Variants in PSMG2 observed in about 807,000 individuals in gnomAD.
PSMG2 encodes proteasome assembly chaperone 2.
PSMG2 carries 21 observed loss-of-function variants against 31.5 expected under a neutral mutation model. That is an observed-to-expected ratio of 0.67 (90% CI 0.47 to 0.96). The LOEUF (loss-of-function observed/expected upper bound fraction) is 0.96. Ranked by LOEUF, PSMG2 falls within the 40% of genes least tolerant of loss-of-function variation. The pLI is 0.00. For missense variants in PSMG2, 318 were observed against 321.2 expected, an observed-to-expected ratio of 0.99 and a Z score of 0.08; for synonymous variants, 120 against 110.4, an observed-to-expected ratio of 1.09 and a Z score of -0.54.
At chr18:12,698,311 C>T (rs546251122), upstream of PSMG2, among the ~76,000 whole-genome samples, 2 of 152,000 alleles carry the variant, frequency 1.3e-5, no homozygotes, top group East Asian at 3.9e-4. Context: ...TCATTACACG[C>T]GCCTGCCACC....
intron 2 of PSMG2, among the ~76,000 whole-genome samples, chr18:12,711,079 G>A (rs2040325691): frequency 6.6e-6 from 1 of 152,102 alleles, no homozygotes; most frequent in Non-Finnish European, 1.5e-5. Flanking sequence ...CAGTCTGGGT[G>A]ATAGAGCAAG....
chr18:12,665,975 G>A (rs567409752), intron 1 of PSMG2, among the ~76,000 whole-genome samples: 1 of 152,100 alleles, frequency 6.6e-6, no homozygotes, highest in East Asian at 1.9e-4. Flanking sequence ...GATAACAGTC[G>A]TGAGCCACCG....
In PSMG2 at chr18:12,724,482, A is replaced by G; in HGVS notation, c.582-17A>G. ...ACCCTATGAAAGAATACTGATTCTT[A>G]TTTTTATTTCTTGTAGCTGTTCTAA... On this transcript the variant is annotated splice_polypyrimidine_tract_variant and intron_variant, in intron 5 of 6. Transcript: ENST00000317615. 1 of 1,583,186 alleles carries G rather than the reference A, an allele frequency of 6.3e-7. No individual in the cohort carries two copies. Among genetic ancestry groups the G allele is most frequent in the Non-Finnish European group, 8.6e-7 (1 of 1,167,842 alleles).
chr18:12,708,325 C>T (rs369342824), intron 2 of PSMG2, among the ~76,000 whole-genome samples: 46 of 151,896 alleles, frequency 3.0e-4, no homozygotes, highest in African/African-American at 1.0e-3. Flanking sequence ...GTGATAACAG[C>T]TATCTTTTAT....
intron 5 of PSMG2, among the ~76,000 whole-genome samples, chr18:12,722,358 C>T (rs1024696626): frequency 6.6e-6 from 1 of 152,078 alleles, no homozygotes; most frequent in African/African-American, 2.4e-5. Context: ...TTCTGGACTG[C>T]AGCACAGGGA....
At chr18:12,722,152 C>A (rs552562779) in intron 5 of PSMG2, among the ~76,000 whole-genome samples, 1 of 152,326 alleles carries the variant, frequency 6.6e-6, no homozygotes, top group African/African-American at 2.4e-5. Context: ...ACCAATCAAT[C>A]CTCCTAAACT....
chr18:12,683,519 G>A (rs989031334), intron 1 of PSMG2, among the ~76,000 whole-genome samples: 4 of 151,914 alleles, frequency 2.6e-5, no homozygotes, highest in Non-Finnish European at 5.9e-5. Flanking sequence ...AGGAGGCAGA[G>A]GCGGGCAGAT....
At chr18:12,672,137 T>C (rs1454057100) in intron 1 of PSMG2, among the ~76,000 whole-genome samples, 1 of 145,274 alleles carries the variant, frequency 6.9e-6, no homozygotes, top group Non-Finnish European at 1.5e-5. Flanking sequence ...TTTTCTGAGA[T>C]GCAGTCTCGC....
chr18:12,716,603 C>T (rs1032341546), intron 3 of PSMG2, among the ~76,000 whole-genome samples: 2 of 151,930 alleles, frequency 1.3e-5, no homozygotes, highest in Admixed American at 6.6e-5. Flanking sequence ...ACCGTGTTAG[C>T]CAGGATGGTC....
intron 1 of PSMG2, among the ~76,000 whole-genome samples, chr18:12,681,022 A>G (rs899614077): frequency 1.3e-5 from 2 of 152,040 alleles, no homozygotes; most frequent in Non-Finnish European, 2.9e-5. Flanking sequence ...AACATAAGGA[A>G]ACTCTGTCTC....
chr18:12,701,810 G>C (rs2040161973), upstream of PSMG2, among the ~76,000 whole-genome samples: 1 of 152,214 alleles, frequency 6.6e-6, no homozygotes, highest in Non-Finnish European at 1.5e-5. Flanking sequence ...CAACTTCGCT[G>C]ATACCCACAT....
intron 5 of PSMG2, among the ~76,000 whole-genome samples, chr18:12,722,260 C>G (rs2040438066): frequency 6.6e-6 from 1 of 152,186 alleles, no homozygotes. Flanking sequence ...GTTTTCCAGA[C>G]ATTGGACTAC....
chr18:12,688,261 C>A (rs2039619968), intron 1 of PSMG2, among the ~76,000 whole-genome samples: 1 of 151,018 alleles, frequency 6.6e-6, no homozygotes, highest in South Asian at 2.1e-4. Context: ...AACCTAGTGG[C>A]CTTAAAGTTC....
intron 1 of PSMG2, chr18:12,674,457 A>T: frequency 1.0e-6 from 1 of 996,860 alleles, no homozygotes; most frequent in Non-Finnish European, 1.5e-6. Flanking sequence ...AAAAAAAAAA[A>T]GGAAATTAAA....
intron 1 of PSMG2, among the ~76,000 whole-genome samples, chr18:12,704,687 A>G (rs1439548278): frequency 6.6e-6 from 1 of 152,206 alleles, no homozygotes; most frequent in Non-Finnish European, 1.5e-5. Context: ...ATGAGGTTGC[A>G]GTTAGAGGGC....
upstream of PSMG2, chr18:12,700,143 T>C (rs1305909423): frequency 3.3e-6 from 1 of 307,184 alleles, no homozygotes; most frequent in Non-Finnish European, 5.9e-6. Flanking sequence ...CAAGTAATAC[T>C]ATCCACATAA....
intron 1 of PSMG2, among the ~76,000 whole-genome samples, chr18:12,662,430 T>TAG (rs1250041163): frequency 6.6e-6 from 1 of 152,198 alleles, no homozygotes; most frequent in African/African-American, 2.4e-5. Context: ...CCTGACCAGC[T>TAG]CAGCTCTTTC....
intron 1 of PSMG2, chr18:12,692,334 C>G (rs2039798220): frequency 6.6e-6 from 1 of 151,570 alleles, no homozygotes; most frequent in Non-Finnish European, 1.5e-5. Flanking sequence ...AAAAAACATA[C>G]TGTCATTCTC....
chr18:12,684,148 T>G (rs1215942578), intron 1 of PSMG2: 1 of 151,668 alleles, frequency 6.6e-6, no homozygotes, highest in Admixed American at 6.6e-5. Context: ...TTTTTGTGTT[T>G]TTAGTAGAGA....
Sources: gnomAD v4.1 joint callset for allele counts (sites outside exome capture counted in the v4.1 genomes callset) on GRCh38, gnomAD v4.1.1 for gene constraint, MANE v1.5 for transcripts, NCBI Gene and HGNC (gene_info 2026-07-23, HGNC 2026-07-21) for gene names.